SPMAP2L: variants seen among roughly 807,000 people sequenced by gnomAD.
SPMAP2L encodes sperm microtubule associated protein 2-like.
chr4:56,607,103 A>C, the SPMAP2L span, among the ~76,000 whole-genome samples: 1 of 152,138 alleles, frequency 6.6e-6, no homozygotes, highest in Non-Finnish European at 1.5e-5. Flanking sequence ...TCTGGTTTGA[A>C]TGTTTGTGTC....
At chr4:56,580,011 T>C in the SPMAP2L span, among the ~76,000 whole-genome samples, 1 of 152,134 alleles carries the variant, frequency 6.6e-6, no homozygotes, top group African/African-American at 2.4e-5. Context: ...ATTTAGAAAA[T>C]AATTAACACC....
the SPMAP2L span, among the ~76,000 whole-genome samples, chr4:56,534,797 C>T: frequency 1.8e-4 from 28 of 152,206 alleles, no homozygotes; most frequent in Non-Finnish European, 3.2e-4. Flanking sequence ...GGCGTGGTGG[C>T]GCATGCCTGT....
chr4:56,574,251 C>G, the SPMAP2L span, among the ~76,000 whole-genome samples: 4 of 152,010 alleles, frequency 2.6e-5, no homozygotes, highest in African/African-American at 4.8e-5. Flanking sequence ...GAGCCCCCAT[C>G]CGTACAAATA....
At chr4:56,575,632 C>T in the SPMAP2L span, 1 of 1,535,286 alleles carries the variant, frequency 6.5e-7, no homozygotes, top group South Asian at 1.2e-5. Flanking sequence ...AAGACAGTGT[C>T]TACTAAATAG....
At chr4:56,618,804 C>T in the SPMAP2L span, among the ~76,000 whole-genome samples, 4 of 152,090 alleles carry the variant, frequency 2.6e-5, no homozygotes, top group East Asian at 1.9e-4. Flanking sequence ...CAAAGCAGCA[C>T]GGAGCTTAAC....
chr4:56,584,563 A>G, the SPMAP2L span: 1 of 1,535,358 alleles, frequency 6.5e-7, no homozygotes, highest in Non-Finnish European at 8.7e-7. Context: ...GGATATTACA[A>G]CTCTCAGTAG....
At chr4:56,534,820 T>A in the SPMAP2L span, among the ~76,000 whole-genome samples, 1 of 152,106 alleles carries the variant, frequency 6.6e-6, no homozygotes, top group South Asian at 2.1e-4. Context: ...TCCCAGCTAC[T>A]CGGGAGGCTA....
At chr4:56,577,143 G>A in the SPMAP2L span, among the ~76,000 whole-genome samples, 17 of 152,228 alleles carry the variant, frequency 1.1e-4, no homozygotes, top group East Asian at 7.8e-4. Flanking sequence ...GGTGGCTCAC[G>A]CCTGTAATCC....
At chr4:56,561,378 GA>G in the SPMAP2L span, among the ~76,000 whole-genome samples, 4 of 152,278 alleles carry the variant, frequency 2.6e-5, no homozygotes, top group East Asian at 7.7e-4. Flanking sequence ...TTTACAAAGA[GA>G]AGAGGTTTAT....
chr4:56,583,205 C>T, the SPMAP2L span, among the ~76,000 whole-genome samples: 10 of 151,366 alleles, frequency 6.6e-5, 1 homozygote, highest in South Asian at 1.7e-3. Flanking sequence ...ACCCAGGAGG[C>T]GGAGGTTAGA....
chr4:56,573,453 C>G, the SPMAP2L span, among the ~76,000 whole-genome samples: 1 of 152,034 alleles, frequency 6.6e-6, no homozygotes, highest in Non-Finnish European at 1.5e-5. Flanking sequence ...TTCTATCTCT[C>G]ACTCACTGCT....
the SPMAP2L span, chr4:56,548,754 A>T: frequency 7.1e-7 from 1 of 1,416,234 alleles, no homozygotes; most frequent in Non-Finnish European, 9.3e-7. Context: ...ATTCCTGTTG[A>T]ATCTAATTTT....
chr4:56,531,881 C>T, the SPMAP2L span, among the ~76,000 whole-genome samples: 2 of 152,208 alleles, frequency 1.3e-5, no homozygotes, highest in Non-Finnish European at 2.9e-5. Context: ...TCACTGACTG[C>T]TCCTTATCCA....
At chr4:56,612,812 C>T in the SPMAP2L span, among the ~76,000 whole-genome samples, 1 of 151,986 alleles carries the variant, frequency 6.6e-6, no homozygotes, top group Non-Finnish European at 1.5e-5. Context: ...AGTGATCTGC[C>T]CACCTCGGCC....
At chr4:56,559,380 G>A in the SPMAP2L span, 3,768 of 1,447,044 alleles carry the variant, frequency 2.6e-3, 97 homozygotes, top group African/African-American at 0.051. Flanking sequence ...TTATCTGTAT[G>A]CTTCTTAACA....
At chr4:56,608,009 A>G in the SPMAP2L span, among the ~76,000 whole-genome samples, 1 of 151,492 alleles carries the variant, frequency 6.6e-6, no homozygotes, top group Non-Finnish European at 1.5e-5. Flanking sequence ...AAAAAAAAAA[A>G]AAAAGAAAGA....
chr4:56,531,059 G>A, the SPMAP2L span: 2 of 1,535,418 alleles, frequency 1.3e-6, no homozygotes, highest in Non-Finnish European at 8.7e-7. Flanking sequence ...CGTGAGCCCC[G>A]CAAGTCCCGC....
chr4:56,603,142 T>C, the SPMAP2L span: 23 of 1,147,594 alleles, frequency 2.0e-5, no homozygotes, highest in African/African-American at 2.6e-4. Context: ...CAGTGGATGC[T>C]TGAGAAACAT....
chr4:56,597,987 T>G, the SPMAP2L span, among the ~76,000 whole-genome samples: 1 of 152,152 alleles, frequency 6.6e-6, no homozygotes, highest in African/African-American at 2.4e-5. Flanking sequence ...CTCAGCCACC[T>G]GAGCAGCTGG....
Sources: allele counts gnomAD v4.1 joint callset (sites outside exome capture counted in the v4.1 genomes callset), GRCh38; gene constraint gnomAD v4.1.1; transcripts MANE v1.5; gene names NCBI Gene and HGNC (gene_info 2026-07-23, HGNC 2026-07-21).